The following ERC1 variants were observed in gnomAD, a reference collection of about 807,000 sequenced individuals.
The protein encoded by ERC1 is ELKS/RAB6-interacting/CAST family member 1.
Under a neutral mutation model 132.0 loss-of-function variants are expected in ERC1, and 56 were observed. The ratio of observed to expected loss-of-function variants is 0.42; its 90% CI spans 0.34 to 0.53. The LOEUF is 0.53. Ranked by LOEUF, ERC1 falls within the 20% of genes least tolerant of loss-of-function variation. The pLI is 0.03. For missense variants in ERC1, 1,202 were observed against 1,349.9 expected (o/e 0.89, Z 1.72); for synonymous variants, 478 against 476.1 (o/e 1.00, Z -0.05).
intron 13 of ERC1, among the ~76,000 whole-genome samples, chr12:1,262,827 G>A (rs2077226921): frequency 6.6e-6 from 1 of 152,150 alleles, no homozygotes; most frequent in Admixed American, 6.5e-5. Flanking sequence ...ACTAACTTGA[G>A]CCTTTGCTGT....
chr12:1,190,857 A>G (rs145442924), intron 12 of ERC1, among the ~76,000 whole-genome samples: 40 of 151,542 alleles, frequency 2.6e-4, no homozygotes, highest in Non-Finnish European at 4.4e-4. Context: ...TCACTAATCT[A>G]CTTGGCCTTT....
intron 17 of ERC1, among the ~76,000 whole-genome samples, chr12:1,442,978 G>C (rs2093201199): frequency 6.6e-6 from 1 of 151,888 alleles, no homozygotes; most frequent in African/African-American, 2.4e-5. Context: ...TGTGATCTCG[G>C]CTCACTGCAA....
intron 2 of ERC1, among the ~76,000 whole-genome samples, chr12:1,043,788 T>C (rs1970655341): frequency 6.6e-6 from 1 of 152,038 alleles, no homozygotes; most frequent in Non-Finnish European, 1.5e-5. Flanking sequence ...GTTTGTAACT[T>C]TACCTAGAAC....
intron 1 of ERC1, among the ~76,000 whole-genome samples, chr12:1,023,632 G>T (rs1966687078): frequency 6.6e-6 from 1 of 152,212 alleles, no homozygotes; most frequent in African/African-American, 2.4e-5. Flanking sequence ...TTTTAAGCTG[G>T]TGGAGGCAGG....
At chr12:1,440,769 C>G (rs1298178620) in intron 17 of ERC1, among the ~76,000 whole-genome samples, 1 of 151,148 alleles carries the variant, frequency 6.6e-6, no homozygotes, top group Non-Finnish European at 1.5e-5. Context: ...ATGCCTCAGC[C>G]TACTGAGTAG....
In ERC1 at chr12:1,485,262, T is replaced by A. The variant is rs569516097; in HGVS notation, c.3214-4831T>A. On this transcript the variant is annotated intron_variant, in intron 18 of 18. Transcript: ENST00000360905. ...CTCTGTCACCCAGGCTGGAGTGCAG[T>A]GGCGTGATCTTAGCCCACTGCAACC... Among the ~76,000 whole-genome samples the A allele has an allele frequency of 4.3e-3, 616 of 142,350 alleles. 8 individuals carry two copies. The highest frequency in any genetic ancestry group is 0.016 in the African/African-American group (592 of 37,924). 93.4% of individuals were successfully genotyped at this position (142,350 alleles called of 152,430 possible). A position where few individuals can be genotyped will look rare whatever the true frequency, so the allele number is the denominator to read the frequency against.
intron 15 of ERC1, among the ~76,000 whole-genome samples, chr12:1,329,631 T>C (rs1290723640): frequency 6.6e-6 from 1 of 152,180 alleles, no homozygotes; most frequent in Admixed American, 6.5e-5. Flanking sequence ...GATCCGTAAC[T>C]TTGGTTTCCT....
chr12:1,154,258 T>C (rs1444217469), intron 8 of ERC1, among the ~76,000 whole-genome samples: 1 of 149,960 alleles, frequency 6.7e-6, no homozygotes, highest in Non-Finnish European at 1.5e-5. Context: ...TATATGTATA[T>C]GTGTATATAT....
intron 15 of ERC1, among the ~76,000 whole-genome samples, chr12:1,361,204 AT>A (rs778203346): frequency 7.3e-6 from 1 of 137,764 alleles, no homozygotes; most frequent in South Asian, 2.4e-4. Context: ...ACTAAAAAAA[AT>A]TGCCTGTTTT....
At chr12:1,457,389 A>G (rs1055031440) in intron 18 of ERC1, among the ~76,000 whole-genome samples, 1 of 152,238 alleles carries the variant, frequency 6.6e-6, no homozygotes, top group Non-Finnish European at 1.5e-5. Flanking sequence ...CGTAAGCAAC[A>G]TCTTCAGCAT....
At chr12:1,365,809 T>A (rs1389663193) in intron 15 of ERC1, among the ~76,000 whole-genome samples, 3 of 152,192 alleles carry the variant, frequency 2.0e-5, no homozygotes, top group African/African-American at 2.4e-5. Context: ...ACCTGAAAGA[T>A]AGACACAACC....
intron 7 of ERC1, among the ~76,000 whole-genome samples, chr12:1,131,237 G>C (rs901043939): frequency 2.0e-5 from 3 of 152,118 alleles, no homozygotes; most frequent in African/African-American, 7.2e-5. Context: ...CTCCAGAGGA[G>C]GTTCCATGCA....
intron 2 of ERC1, among the ~76,000 whole-genome samples, chr12:1,078,466 G>A (rs986003562): frequency 1.4e-5 from 2 of 145,098 alleles, no homozygotes; most frequent in South Asian, 2.2e-4. Context: ...TTTATTCTTC[G>A]AAAGAAATAG....
At chr12:1,442,958 A>G (rs2093199964) in intron 17 of ERC1, among the ~76,000 whole-genome samples, 1 of 152,024 alleles carries the variant, frequency 6.6e-6, no homozygotes, top group South Asian at 2.1e-4. Context: ...CTCAGGCTGG[A>G]GTGCAGTGGT....
At chr12:996,163 A>G (rs773439462) in intron 1 of ERC1, among the ~76,000 whole-genome samples, 2 of 145,508 alleles carry the variant, frequency 1.4e-5, no homozygotes, top group Non-Finnish European at 3.0e-5. Flanking sequence ...ATCTCGGCTC[A>G]CTGCAATCTC....
Position 1,346,960 on chromosome 12 carries a change from A to AAAAAAAAAAAG in ERC1, c.2781-24872_2781-24871insAAAAAAAAAGA, listed in dbSNP as rs1006260266. ...CGAGACTCCGTCTCAAAAAAAAAAA[A>AAAAAAAAAAAG]AGAGAGAGATGATGGTTTTCAGGTT... On this transcript the variant is annotated intron_variant, in intron 15 of 18. Transcript: ENST00000360905. Among the ~76,000 whole-genome samples the AAAAAAAAAAAG allele has an allele frequency of 1.6e-4, 24 of 149,756 alleles. No homozygotes were observed. The South Asian group carries it at 1.9e-3, about 12-fold the overall frequency.
chr12:1,298,853 G>C (rs73031213), intron 15 of ERC1, among the ~76,000 whole-genome samples: 5,269 of 151,716 alleles, frequency 0.035, 102 homozygotes, highest in Middle Eastern at 0.075. Flanking sequence ...ACGGAAAAAG[G>C]TACTTCTTGG....
chr12:1,003,119 CAAAA>C (rs34159893), intron 1 of ERC1, among the ~76,000 whole-genome samples: 1 of 84,808 alleles, frequency 1.2e-5, no homozygotes, highest in African/African-American at 3.7e-5. Flanking sequence ...AAAAAAGACT[CAAAA>C]AAAAAAAGAG....
At chr12:1,293,764 GA>G (rs998888034) in intron 15 of ERC1, among the ~76,000 whole-genome samples, 3 of 152,012 alleles carry the variant, frequency 2.0e-5, no homozygotes, top group African/African-American at 7.3e-5. Flanking sequence ...ATTTAGGGGG[GA>G]AAATAAAAAT....
Sources: gnomAD v4.1 joint callset for allele counts (sites outside exome capture counted in the v4.1 genomes callset) on GRCh38, gnomAD v4.1.1 for gene constraint, MANE v1.5 for transcripts, NCBI Gene and HGNC (gene_info 2026-07-23, HGNC 2026-07-21) for gene names.